The following ZFPM2 variants were observed in gnomAD, a reference collection of about 807,000 sequenced individuals.
The protein encoded by ZFPM2 is zinc finger protein, FOG family member 2, also known as zinc finger protein ZFPM2.
In ZFPM2, 20 loss-of-function variants were observed where a neutral mutation model predicts 98.6. That is an observed-to-expected ratio of 0.20 (90% CI 0.14 to 0.29). ZFPM2 has a LOEUF of 0.29. Among genes scored for constraint, ZFPM2 ranks in the 10% least tolerant of loss-of-function variants. The pLI, the probability that ZFPM2 is intolerant of heterozygous loss-of-function variation, is 1.00. For synonymous variants in ZFPM2, 518 were observed against 502.7 expected (o/e 1.03, Z -0.41); for missense variants, 1,310 against 1,388.6 (o/e 0.94, Z 0.90).
intron 3 of ZFPM2, among the ~76,000 whole-genome samples, chr8:105,489,466 A>ATTTTTTTTTTT (rs369037656): frequency 8.3e-6 from 1 of 119,810 alleles, no homozygotes; most frequent in African/African-American, 3.6e-5. Context: ...ATATATATAT[A>ATTTTTTTTTTT]TTTTTTTTTT....
intron 1 of ZFPM2, among the ~76,000 whole-genome samples, chr8:105,403,764 G>A (rs1002291531): frequency 2.6e-5 from 4 of 151,834 alleles, no homozygotes; most frequent in African/African-American, 9.7e-5. Flanking sequence ...CTTGGTTGCC[G>A]GTTATTTCTC....
chr8:105,733,878 G>C (rs1168128689), intron 5 of ZFPM2, among the ~76,000 whole-genome samples: 1 of 151,792 alleles, frequency 6.6e-6, no homozygotes, highest in Non-Finnish European at 1.5e-5. Context: ...ACATTGTAAA[G>C]AAAATACACA....
At chr8:105,368,200 GTC>G (rs1810546386) in intron 1 of ZFPM2, among the ~76,000 whole-genome samples, 1 of 147,892 alleles carries the variant, frequency 6.8e-6, no homozygotes, top group African/African-American at 2.5e-5. Flanking sequence ...TTTTGGTTGT[GTC>G]TCTGCCCAGC....
intron 5 of ZFPM2, among the ~76,000 whole-genome samples, chr8:105,725,785 T>C (rs1471730876): frequency 6.6e-6 from 1 of 151,690 alleles, no homozygotes; most frequent in Non-Finnish European, 1.5e-5. Context: ...TAAGTTATTA[T>C]CTCCAAAAAA....
intron 4 of ZFPM2, among the ~76,000 whole-genome samples, chr8:105,590,005 C>T (rs1164551654): frequency 1.3e-5 from 2 of 152,204 alleles, no homozygotes; most frequent in African/African-American, 2.4e-5. Context: ...CAGGTGTGAG[C>T]CACTGCTCCC....
intron 5 of ZFPM2, among the ~76,000 whole-genome samples, chr8:105,743,050 TATG>T (rs946314176): frequency 5.9e-5 from 9 of 152,038 alleles, no homozygotes; most frequent in African/African-American, 2.2e-4. Flanking sequence ...AGTATGGTAA[TATG>T]ATATTCAAAC....
At chr8:105,396,427 G>A (rs1281253060) in intron 1 of ZFPM2, among the ~76,000 whole-genome samples, 2 of 152,116 alleles carry the variant, frequency 1.3e-5, no homozygotes, top group African/African-American at 4.8e-5. Context: ...TCCTTGACAT[G>A]GGGAAGAGTT....
In ZFPM2 at chr8:105,500,473, G is replaced by C. The variant is rs1813568471; in HGVS notation, c.301+56092G>C. On this transcript the variant is annotated intron_variant, in intron 3 of 7. Transcript: ENST00000407775. ...TCTGGCCTGTATCCCTTCTGTGTATGTTATAATTTTTTCCAAGAACAGTTA... is the reference window on the plus strand; with the variant it reads ...TCTGGCCTGTATCCCTTCTGTGTATCTTATAATTTTTTCCAAGAACAGTTA... Among the ~76,000 whole-genome samples, 3 of 152,128 alleles carry C rather than the reference G, an allele frequency of 2.0e-5. No homozygotes were observed. In the South Asian group the frequency reaches 6.2e-4, roughly 32 times the overall value.
chr8:105,438,972 A>G (rs1362893983), intron 2 of ZFPM2, among the ~76,000 whole-genome samples: 1 of 152,078 alleles, frequency 6.6e-6, no homozygotes, highest in Non-Finnish European at 1.5e-5. Flanking sequence ...TCTCATGCAT[A>G]TTGCCTATTT....
At chr8:105,349,970 C>A (rs2129705539) in intron 1 of ZFPM2, among the ~76,000 whole-genome samples, 1 of 152,096 alleles carries the variant, frequency 6.6e-6, no homozygotes, top group South Asian at 2.1e-4. Context: ...GAATAGCTTC[C>A]AATTTTTGTA....
intron 3 of ZFPM2, among the ~76,000 whole-genome samples, chr8:105,541,915 AT>A (rs932078400): frequency 1.2e-4 from 18 of 152,230 alleles, no homozygotes; most frequent in South Asian, 2.1e-4. Flanking sequence ...GAAATTGCTA[AT>A]TTTTTTAATG....
chr8:105,670,832 A>C (rs2130904003), intron 5 of ZFPM2, among the ~76,000 whole-genome samples: 1 of 152,368 alleles, frequency 6.6e-6, no homozygotes, highest in African/African-American at 2.4e-5. Flanking sequence ...GCATTTTCAA[A>C]TATATTAGCT....
intron 1 of ZFPM2, among the ~76,000 whole-genome samples, chr8:105,337,287 A>G (rs1812346438): frequency 6.6e-6 from 1 of 151,798 alleles, no homozygotes; most frequent in African/African-American, 2.4e-5. Context: ...CTGCAGGGGT[A>G]AGGAATATGT....
chr8:105,518,798 C>T (rs1325589657), intron 3 of ZFPM2, among the ~76,000 whole-genome samples: 2 of 152,048 alleles, frequency 1.3e-5, no homozygotes, highest in Non-Finnish European at 2.9e-5. Context: ...GGAATAAGGA[C>T]CTGCTAGGTT....
chr8:105,793,754 G>T (rs1461929741), intron 6 of ZFPM2, among the ~76,000 whole-genome samples: 1 of 147,122 alleles, frequency 6.8e-6, no homozygotes, highest in African/African-American at 2.6e-5. Flanking sequence ...TTTTCACATA[G>T]TCCCATATTT....
intron 5 of ZFPM2, among the ~76,000 whole-genome samples, chr8:105,765,964 G>A (rs769727448): frequency 6.6e-6 from 1 of 151,854 alleles, no homozygotes; most frequent in Non-Finnish European, 1.5e-5. Flanking sequence ...TCAACAATAA[G>A]TAAAAATTTA....
chr8:105,714,168 T>C (rs914928579), intron 5 of ZFPM2, among the ~76,000 whole-genome samples: 8 of 152,100 alleles, frequency 5.3e-5, no homozygotes, highest in African/African-American at 1.9e-4. Flanking sequence ...GTAGAGATCT[T>C]TCACCTCCTT....
intron 5 of ZFPM2, among the ~76,000 whole-genome samples, chr8:105,744,582 A>G (rs1176230904): frequency 6.6e-6 from 1 of 152,136 alleles, no homozygotes; most frequent in Non-Finnish European, 1.5e-5. Context: ...TTAATGGTAT[A>G]TAACTGGGGA....
chr8:105,565,891 GTA>G (rs1167200502), intron 4 of ZFPM2, among the ~76,000 whole-genome samples: 1 of 152,136 alleles, frequency 6.6e-6, no homozygotes, highest in African/African-American at 2.4e-5. Flanking sequence ...GGATGTGTAC[GTA>G]TATAGCCAGA....
Sources: gnomAD v4.1 joint callset for allele counts (sites outside exome capture counted in the v4.1 genomes callset) on GRCh38, gnomAD v4.1.1 for gene constraint, MANE v1.5 for transcripts, NCBI Gene and HGNC (gene_info 2026-07-23, HGNC 2026-07-21) for gene names.